MELTF: variants seen among roughly 807,000 people sequenced by gnomAD.
MELTF encodes antigen p97 (melanoma associated) identified by monoclonal antibodies 133.2 and 96.5.
MELTF carries 67 observed loss-of-function variants against 83.7 expected under a neutral mutation model. That is an observed-to-expected ratio of 0.80 (90% CI 0.66 to 0.98). The LOEUF (loss-of-function observed/expected upper bound fraction) is 0.98, where lower values mean the gene tolerates loss of function less well. MELTF is among the 50% of genes least tolerant of loss of function. The pLI, the probability that MELTF is intolerant of heterozygous loss-of-function variation, is 0.00. For synonymous variants in MELTF, 462 were observed against 447.6 expected, an observed-to-expected ratio of 1.03 and a Z score of -0.41; for missense variants, 1,002 against 1,035.6, an observed-to-expected ratio of 0.97 and a Z score of 0.44.
Position 197,022,602 on chromosome 3 carries a change from C to T in MELTF, c.644+355G>A, listed in dbSNP as rs569291873. ...TGCCAGCCGCAACCAGCAGCAGAGACGGGCCGGCCCCAGGTGTCCAGACAC... is the reference window on the plus strand; with the variant it reads ...TGCCAGCCGCAACCAGCAGCAGAGATGGGCCGGCCCCAGGTGTCCAGACAC... On this transcript the variant is annotated intron_variant, in intron 5 of 15. Transcript: ENST00000296350. The surrounding 1 kb of genome is among the most constrained non-coding windows in gnomAD (Gnocchi z 5.1). Among the ~76,000 whole-genome samples the T allele has an allele frequency of 4.6e-5, 7 of 152,282 alleles. No homozygotes were observed. The highest frequency in any genetic ancestry group is 1.9e-4 in the East Asian group (1 of 5,180).
In MELTF at chr3:197,024,154, AGGCACGGGGCG is replaced by A; in HGVS notation, c.487+138_487+148del. ...GCCGGCGGCAGAGTGGAGGCGGGGGAGGCACGGGGCGGGCGGGGGCTGCTGCGCCTTCCAGG... is the reference window on the plus strand; with the variant it reads ...GCCGGCGGCAGAGTGGAGGCGGGGGAGGCGGGGGCTGCTGCGCCTTCCAGG... On this transcript the variant is annotated intron_variant, in intron 4 of 15. Coordinates refer to ENST00000296350, the MANE Select transcript of MELTF (RefSeq NM_005929.6). This position sits in a 1 kb window ranked among gnomAD's most constrained non-coding sequence, Gnocchi z 5.3. 116 of 574,816 alleles carry A rather than the reference AGGCACGGGGCG, an allele frequency of 2.0e-4. 2 individuals carry two copies. The highest frequency in any genetic ancestry group is 4.7e-4 in the Admixed American group (8 of 17,168). The allele number at this position is 574,816 out of a possible 1,614,324, so 35.6% of individuals were successfully genotyped here.
Position 197,024,056 on chromosome 3 carries a change from TGTGGGACACCACGATGCGTGA to T in MELTF, c.487+226_487+246del. On this transcript the variant is annotated intron_variant, in intron 4 of 15. Transcript: ENST00000296350. This position sits in a 1 kb window ranked among gnomAD's most constrained non-coding sequence, Gnocchi z 5.3. ...GCTGGGCCTGTGCCTGGCTGTGCCA[TGTGGGACACCACGATGCGTGA>T]GCAAGAATCGCGCCCCACAGGGTCC... 1 of 640,150 alleles carries T rather than the reference TGTGGGACACCACGATGCGTGA, an allele frequency of 1.6e-6. No individual in the cohort carries two copies. Among genetic ancestry groups the T allele is most frequent in the Non-Finnish European group, 2.9e-6 (1 of 348,210 alleles). 39.7% of individuals were successfully genotyped at this position (640,150 alleles called of 1,614,324 possible).
At chr3:197,009,908 C>T (rs1719127206) in intron 10 of MELTF, 96 bp from the exon 11 acceptor site, 1 of 1,158,182 alleles carries the variant, frequency 8.6e-7, no homozygotes, top group Non-Finnish European at 1.3e-6. Context: ...CTTCCTGTCT[C>T]TTTGCCTGAG....
chr3:197,010,461 C>A (rs1379542633), intron 10 of MELTF, among the ~76,000 whole-genome samples: 1 of 152,234 alleles, frequency 6.6e-6, no homozygotes, highest in African/African-American at 2.4e-5. Context: ...GTCTGCAAAG[C>A]CTCATGTATT....
Position 197,022,905 on chromosome 3 carries a change from T to C in MELTF, c.644+52A>G, listed in dbSNP as rs918783561. 4.3e-5 allele frequency: 66 copies of C among 1,535,244 alleles called. No homozygotes were observed. The highest frequency in any genetic ancestry group is 7.0e-5 in the African/African-American group (5 of 71,908). ...CAAAGGTGTTTTTCCCCAGCATTTGTGGCCTCAGCTCCTCCCTGCCCTCGG... is the reference window on the plus strand; with the variant it reads ...CAAAGGTGTTTTTCCCCAGCATTTGCGGCCTCAGCTCCTCCCTGCCCTCGG... On this transcript the variant is annotated intron_variant, in intron 5 of 15. Coordinates refer to ENST00000296350, the MANE Select transcript of MELTF (RefSeq NM_005929.6). The surrounding 1 kb of genome is among the most constrained non-coding windows in gnomAD (Gnocchi z 5.1).
intron 14 of MELTF, 25 bp from the exon 15 acceptor site, chr3:197,004,124 C>T (rs1175295921): frequency 1.2e-6 from 2 of 1,611,786 alleles, no homozygotes; most frequent in East Asian, 2.2e-5. Context: ...GGCAGACGAC[C>T]TGCTCCTCAC....
intron 14 of MELTF, among the ~76,000 whole-genome samples, chr3:197,005,990 G>C (rs1718960593): frequency 6.6e-6 from 1 of 152,036 alleles, no homozygotes; most frequent in African/African-American, 2.4e-5. Context: ...GGAGGCCGAG[G>C]TGGGCGGATC....
At chr3:197,020,510 A>C (rs1310755890) in intron 6 of MELTF, among the ~76,000 whole-genome samples, 1 of 148,482 alleles carries the variant, frequency 6.7e-6, no homozygotes, top group Non-Finnish European at 1.5e-5. Flanking sequence ...CACACACACA[A>C]TAAAATGTGG....
At chr3:197,020,214 TAAAGG>T (rs1719565050) in intron 6 of MELTF, among the ~76,000 whole-genome samples, 2 of 152,078 alleles carry the variant, frequency 1.3e-5, no homozygotes, top group African/African-American at 2.4e-5. Flanking sequence ...TGTTCCAAGA[TAAAGG>T]AAAGTAAAGA....
At position 197,006,569 on chromosome 3, in the gene MELTF, C is replaced by T. The variant is rs751590858; in HGVS notation, c.1918G>A (p.Gly640Arg). ...CTCACCTGGGCCTTGTCCAGCAGTC[C>T]ATACACGGTGAAGATGTTGGTGTCG... ...RPDTNIFTVY[G>R]LLDKAQDLFG... Residue 640 changes from glycine (G) to arginine (R), a missense_variant, in exon 14 of 16, where the codon GGA becomes AGA. Coordinates refer to ENST00000296350, the MANE Select transcript of MELTF (RefSeq NM_005929.6). The surrounding 1 kb of genome is among the most constrained non-coding windows in gnomAD (Gnocchi z 5.4). 1.2e-6 allele frequency: 2 copies of T among 1,613,480 alleles called. No individual in the cohort carries two copies. Among genetic ancestry groups the T allele is most frequent in the Non-Finnish European group, 1.7e-6 (2 of 1,179,758 alleles).
At chr3:197,026,454 G>A (rs960592754) in intron 3 of MELTF, 4 of 581,336 alleles carry the variant, frequency 6.9e-6, no homozygotes, top group Non-Finnish European at 1.2e-5. Flanking sequence ...CTGCGGGCAA[G>A]AGCAGACTTG....
At chr3:197,028,060 G>C in intron 1 of MELTF, 150 bp from the exon 2 acceptor site, 1 of 861,548 alleles carries the variant, frequency 1.2e-6, no homozygotes. Flanking sequence ...GAGGCACTAG[G>C]CGCAGAGACA....
chr3:197,003,527 G>GGGTGGT lies in MELTF; in HGVS notation c.2138-77_2138-76insACCACC. The GGGTGGT allele has an allele frequency of 2.8e-6, 2 of 721,960 alleles. No individual in the cohort carries two copies. The highest frequency in any genetic ancestry group is 1.8e-6 in the Non-Finnish European group (1 of 549,234). The allele number at this position is 721,960 out of a possible 1,614,324, so 44.7% of individuals were successfully genotyped here. The stretch of plus-strand genomic sequence containing the variant: ...GCCTCAGGCGCCCGCTCTGGGGTGG[G>GGGTGGT]GGTGGGGGCATCTTTCGGGACCGAA... On this transcript the variant is annotated intron_variant, in intron 15 of 15. Transcript: ENST00000296350. The surrounding 1 kb of genome is among the most constrained non-coding windows in gnomAD (Gnocchi z 6.2).
At position 197,002,743 on chromosome 3, in the gene MELTF, G is replaced by A. The variant is rs1433843251; in HGVS notation, c.*629C>T. The A allele has an allele frequency of 1.3e-5, 2 of 152,298 alleles. No homozygotes were observed. Among genetic ancestry groups the A allele is most frequent in the African/African-American group, 2.4e-5 (1 of 41,458 alleles). 9.4% of individuals were successfully genotyped at this position (152,298 alleles called of 1,614,324 possible). A position where few individuals can be genotyped will look rare whatever the true frequency, so the allele number is the denominator to read the frequency against. ...GGGATGGAGCTGGCGCGGCCACAGT[G>A]GGGGACGAGGCAGGGCACGCGGCGT... On this transcript the variant is annotated 3_prime_UTR_variant, in exon 16 of 16. Coordinates refer to ENST00000296350, the MANE Select transcript of MELTF (RefSeq NM_005929.6).
Position 197,022,812 on chromosome 3 carries a change from A to G in MELTF, c.644+145T>C. 1.3e-6 allele frequency: 1 copy of G among 753,520 alleles called. No homozygotes were observed. 46.7% of individuals were successfully genotyped at this position (753,520 alleles called of 1,614,324 possible). A position where few individuals can be genotyped will look rare whatever the true frequency, so the allele number is the denominator to read the frequency against. On this transcript the variant is annotated intron_variant, in intron 5 of 15. Coordinates refer to ENST00000296350, the MANE Select transcript of MELTF (RefSeq NM_005929.6). The surrounding 1 kb of genome is among the most constrained non-coding windows in gnomAD (Gnocchi z 5.1). The stretch of plus-strand genomic sequence containing the variant: ...GTTTTTAAACTAACCAGGGCACAGA[A>G]CTATATAAAGGGTGCTTTGATGAGA...
At chr3:197,004,435 C>A in intron 14 of MELTF, 6 of 381,842 alleles carry the variant, frequency 1.6e-5, no homozygotes, top group South Asian at 4.8e-5. Flanking sequence ...GAGCGTTCTG[C>A]TAGGCCTGCT....
chr3:197,011,038 G>T lies in MELTF; in HGVS notation c.1234-244C>A, dbSNP rs1254196102. ...GCAGAAACACCCACGCAGCACTCCT[G>T]CGCGTGGCCACCCAGGGTCCCCTGT... On this transcript the variant is annotated intron_variant, in intron 9 of 15. Coordinates refer to ENST00000296350, the MANE Select transcript of MELTF (RefSeq NM_005929.6). This position sits in a 1 kb window ranked among gnomAD's most constrained non-coding sequence, Gnocchi z 4.2. 6.6e-6 allele frequency among the ~76,000 whole-genome samples: 1 copy of T among 152,172 alleles called. No homozygotes were observed. Among genetic ancestry groups the T allele is most frequent in the African/African-American group, 2.4e-5 (1 of 41,446 alleles).
At chr3:197,019,566 C>G (rs1560219568) in intron 6 of MELTF, 2 of 1,576,874 alleles carry the variant, frequency 1.3e-6, no homozygotes, top group East Asian at 2.3e-5. Context: ...GGTGAGACCC[C>G]CATCTCAAAA....
rs1435457039 is a variant in MELTF, at chr3:197,015,476, G to A, written c.1122C>T (p.Pro374=). Residue 374 remains proline, a synonymous_variant, in exon 9 of 16, where the codon CCC becomes CCT. Coordinates refer to ENST00000296350, the MANE Select transcript of MELTF (RefSeq NM_005929.6). The part of the protein sequence containing the change: ...PYLRWCVLST[P]EIQKCGDMAV... The stretch of plus-strand genomic sequence containing the variant: ...CCATGTCTCCACACTTCTGGATCTC[G>A]GGAGTGGAGAGCACACACCAGCGCA... 10 of 1,611,716 alleles carry A rather than the reference G, an allele frequency of 6.2e-6. No homozygotes were observed. The highest frequency in any genetic ancestry group is 1.3e-5 in the African/African-American group (1 of 74,902).
Sources: allele counts gnomAD v4.1 joint callset (sites outside exome capture counted in the v4.1 genomes callset), GRCh38; gene constraint gnomAD v4.1.1; non-coding constraint Gnocchi (gnomAD v3.1); transcripts MANE v1.5; gene names NCBI Gene and HGNC (gene_info 2026-07-23, HGNC 2026-07-21).